ZFAT: variants seen among roughly 807,000 people sequenced by gnomAD.
The protein encoded by ZFAT is zinc finger protein ZFAT.
Under a neutral mutation model 117.7 loss-of-function variants are expected in ZFAT, and 64 were observed. That is an observed-to-expected ratio of 0.54 (90% CI 0.44 to 0.67). The LOEUF (loss-of-function observed/expected upper bound fraction) is 0.67. ZFAT is among the 30% of genes least tolerant of loss of function. ZFAT has a pLI of 0.00. For synonymous variants in ZFAT, 679 were observed against 615.0 expected (o/e 1.10, Z -1.54); for missense variants, 1,433 against 1,584.5 (o/e 0.90, Z 1.62).
chr8:134,749,900 C>T, the ZFAT span, among the ~76,000 whole-genome samples: 1 of 152,132 alleles, frequency 6.6e-6, no homozygotes, highest in Middle Eastern at 3.2e-3. Context: ...AAAATCTTTG[C>T]ATAAATACCA....
intron 13 of ZFAT, among the ~76,000 whole-genome samples, chr8:134,514,977 G>A (rs1211550635): frequency 6.6e-6 from 1 of 152,034 alleles, no homozygotes; most frequent in Admixed American, 6.5e-5. Flanking sequence ...ACCCCCAACA[G>A]GCCCTGGTGT....
chr8:134,637,506 T>G lies in ZFAT; in HGVS notation c.403A>C (p.Ile135Leu). 1.2e-6 allele frequency: 2 copies of G among 1,614,054 alleles called. No individual in the cohort carries two copies. Among genetic ancestry groups the G allele is most frequent in the Non-Finnish European group, 1.7e-6 (2 of 1,179,872 alleles). Residue 135 changes from isoleucine to leucine, a missense_variant, in exon 3 of 16, where the codon ATC (isoleucine) becomes CTC (leucine). By Grantham distance (5) the Ile-to-Leu change is conservative. Around this residue, in one of 5 missense-constraint regions of ZFAT, gnomAD observed 436 missense variants for 482.0 expected, o/e 0.90. Coordinates refer to ENST00000377838, the MANE Select transcript of ZFAT (RefSeq NM_020863.4). The part of the protein sequence containing the change: ...FSNTRQLRKH[I>L]CIIVLNLGEE... ...CCCAAATTCAGCACGATAATGCAGA[T>G]GTGCTTCCGCAGCTGGCGCGTGTTG...
At chr8:134,595,772 C>T (rs1377736785) in intron 7 of ZFAT, among the ~76,000 whole-genome samples, 1 of 152,180 alleles carries the variant, frequency 6.6e-6, no homozygotes, top group Non-Finnish European at 1.5e-5. Context: ...GTTAAAGGTA[C>T]ACATTCTTTC....
chr8:134,815,354 C>A, the ZFAT span, among the ~76,000 whole-genome samples: 1 of 152,100 alleles, frequency 6.6e-6, no homozygotes, highest in Non-Finnish European at 1.5e-5. Flanking sequence ...TAGAGACTTG[C>A]TGGGATTTTT....
intron 10 of ZFAT, among the ~76,000 whole-genome samples, chr8:134,571,286 C>A (rs1196919640): frequency 1.3e-5 from 2 of 152,194 alleles, no homozygotes; most frequent in African/African-American, 4.8e-5. Flanking sequence ...CAGGGAAGGC[C>A]TCTGTGAGGA....
At position 134,567,753 on chromosome 8, in the gene ZFAT, G is replaced by C. The variant is rs1287798063; in HGVS notation, c.2888-2332C>G. Among the ~76,000 whole-genome samples, 4 of 133,036 alleles carry C rather than the reference G, an allele frequency of 3.0e-5. No individual in the cohort carries two copies. In the Admixed American group the frequency reaches 3.6e-4, roughly 12 times the overall value. The allele number at this position is 133,036 out of a possible 152,430, so 87.3% of individuals were successfully genotyped here. On this transcript the variant is annotated intron_variant, in intron 10 of 15. Transcript: ENST00000377838. The stretch of plus-strand genomic sequence containing the variant: ...CTTCTGTATTTAGGCTCATAACACT[G>C]AACTCCTTGAGTTCTCCAAACTTTC...
At chr8:134,714,107 GCCCCC>G (rs34806943), upstream of ZFAT, among the ~76,000 whole-genome samples, 84 of 94,428 alleles carry the variant, frequency 8.9e-4, 2 homozygotes, top group Admixed American at 2.4e-3. Context: ...GCAAAGACAT[GCCCCC>G]CCCCCCCCAA....
the ZFAT span, among the ~76,000 whole-genome samples, chr8:134,725,836 C>A: frequency 0.11 from 16,757 of 152,134 alleles, 1,077 homozygotes; most frequent in Non-Finnish European, 0.16. Flanking sequence ...CAGCTCACCA[C>A]TGTGAAGCCA....
chr8:134,712,678 C>G (rs1323569451), intron 1 of ZFAT, among the ~76,000 whole-genome samples, 167 bp downstream of exon 1: 1 of 143,356 alleles, frequency 7.0e-6, no homozygotes, highest in Non-Finnish European at 1.5e-5. Flanking sequence ...AGCCGCAGAA[C>G]GCAACTACGT....
At chr8:134,689,116 C>T (rs1014609715) in intron 1 of ZFAT, among the ~76,000 whole-genome samples, 1 of 152,202 alleles carries the variant, frequency 6.6e-6, no homozygotes, top group Admixed American at 6.5e-5. Context: ...GCACCCCTCA[C>T]TGCCCATCAC....
the ZFAT span, among the ~76,000 whole-genome samples, chr8:134,827,678 G>A: frequency 2.7e-5 from 4 of 150,698 alleles, no homozygotes; most frequent in Non-Finnish European, 5.9e-5. Context: ...TGAGGCAGGA[G>A]AATTGCTTGA....
At chr8:134,483,010 G>C (rs567096895) in intron 15 of ZFAT, among the ~76,000 whole-genome samples, 1 of 152,346 alleles carries the variant, frequency 6.6e-6, no homozygotes, top group African/African-American at 2.4e-5. Flanking sequence ...AACGTGTAGA[G>C]AGGACGAAGG....
chr8:134,755,279 G>A, the ZFAT span, among the ~76,000 whole-genome samples: 10 of 151,280 alleles, frequency 6.6e-5, no homozygotes, highest in South Asian at 6.3e-4. Context: ...CGGGCGTGGC[G>A]GCATGTGCCT....
chr8:134,562,374 GT>G (rs1267600869), intron 11 of ZFAT, among the ~76,000 whole-genome samples: 1 of 152,186 alleles, frequency 6.6e-6, no homozygotes, highest in Non-Finnish European at 1.5e-5. Flanking sequence ...GTGGTAATCT[GT>G]TACAGGAGCA....
chr8:134,704,039 T>C (rs768720428), intron 1 of ZFAT, among the ~76,000 whole-genome samples: 7 of 152,104 alleles, frequency 4.6e-5, no homozygotes, highest in Non-Finnish European at 1.0e-4. Context: ...ATATATAATA[T>C]AGGAGGCAAT....
At chr8:134,724,982 G>A in the ZFAT span, among the ~76,000 whole-genome samples, 1 of 152,172 alleles carries the variant, frequency 6.6e-6, no homozygotes, top group Non-Finnish European at 1.5e-5. Flanking sequence ...ACCTCTGCAG[G>A]TTCTTTAAAG....
chr8:134,697,401 C>T (rs1833893884), intron 1 of ZFAT, among the ~76,000 whole-genome samples: 1 of 150,874 alleles, frequency 6.6e-6, no homozygotes, highest in Admixed American at 6.6e-5. Flanking sequence ...TGTGAGCCAC[C>T]GCGCCCACCT....
intron 3 of ZFAT, among the ~76,000 whole-genome samples, chr8:134,627,657 T>C (rs765050816): frequency 3.3e-5 from 5 of 152,184 alleles, no homozygotes. Flanking sequence ...AATAATTAAC[T>C]TTGGGTTTCC....
chr8:134,666,218 C>G (rs886122685), intron 1 of ZFAT, among the ~76,000 whole-genome samples: 4 of 152,174 alleles, frequency 2.6e-5, no homozygotes, highest in African/African-American at 4.8e-5. Context: ...TAATGAGGTG[C>G]ACTTTTCTCC....
Sources: gnomAD v4.1 joint callset for allele counts (sites outside exome capture counted in the v4.1 genomes callset) on GRCh38, gnomAD v4.1.1 for gene constraint, gnomAD v4.1.1 regional missense constraint, MANE v1.5 for transcripts, NCBI Gene and HGNC (gene_info 2026-07-23, HGNC 2026-07-21) for gene names.